TTC28: variants seen among roughly 807,000 people sequenced by gnomAD.
The protein encoded by TTC28 is tetratricopeptide repeat protein 28.
Under a neutral mutation model 198.0 loss-of-function variants are expected in TTC28, and 61 were observed. That is an observed-to-expected ratio of 0.31 (90% CI 0.25 to 0.38). TTC28 has a LOEUF of 0.38. Ranked by LOEUF, TTC28 falls within the 10% of genes least tolerant of loss-of-function variation. TTC28 has a pLI of 1.00. For missense variants in TTC28, 2,678 were observed against 3,164.0 expected (o/e 0.85, Z 3.69); for synonymous variants, 1,171 against 1,297.8 (o/e 0.90, Z 2.10).
intron 2 of TTC28, among the ~76,000 whole-genome samples, chr22:28,332,477 T>C (rs2145877252): frequency 6.6e-6 from 1 of 152,114 alleles, no homozygotes; most frequent in South Asian, 2.1e-4. Context: ...ACAGCAACCA[T>C]GTTGATTATT....
At chr22:28,627,620 C>T (rs2051097341) in intron 2 of TTC28, among the ~76,000 whole-genome samples, 1 of 151,758 alleles carries the variant, frequency 6.6e-6, no homozygotes, top group Admixed American at 6.6e-5. Flanking sequence ...TTAGTAGAGA[C>T]GGGGTTTCAC....
At chr22:28,306,865 C>T (rs906363760) in intron 2 of TTC28, among the ~76,000 whole-genome samples, 2 of 152,192 alleles carry the variant, frequency 1.3e-5, no homozygotes, top group African/African-American at 2.4e-5. Flanking sequence ...TTCTAAGACA[C>T]ATCAATTTTA....
intron 2 of TTC28, among the ~76,000 whole-genome samples, chr22:28,355,188 G>A (rs1340536208): frequency 6.6e-6 from 1 of 151,972 alleles, no homozygotes; most frequent in Non-Finnish European, 1.5e-5. Context: ...ATAAGAAAAG[G>A]ATGATCCACA....
At chr22:28,676,075 GCAT>G (rs1468451488) in intron 1 of TTC28, among the ~76,000 whole-genome samples, 1 of 151,314 alleles carries the variant, frequency 6.6e-6, no homozygotes, top group Admixed American at 6.6e-5. Flanking sequence ...GTTCATAGCA[GCAT>G]TATTCATAAT....
chr22:28,642,366 G>C (rs1032966349), intron 1 of TTC28, among the ~76,000 whole-genome samples: 4 of 151,688 alleles, frequency 2.6e-5, no homozygotes, highest in Admixed American at 2.6e-4. Flanking sequence ...CTGTATGCCA[G>C]GTACTCTCCT....
chr22:28,366,630 A>G (rs564165260), intron 2 of TTC28, among the ~76,000 whole-genome samples: 1 of 152,194 alleles, frequency 6.6e-6, no homozygotes, highest in South Asian at 2.1e-4. Context: ...AAACTCTCCA[A>G]TCAAGACATA....
rs1937892598 is a variant in TTC28 at position 28,005,362 on chromosome 22, G to A, written c.4219-3809C>T. ...GGTGCAGTCTTTGTACAAGGAGAGG[G>A]TTGTTCCTTCTGACAGGGTGGGCAG... On this transcript the variant is annotated intron_variant, in intron 14 of 22. Coordinates refer to ENST00000397906, the MANE Select transcript of TTC28 (RefSeq NM_001145418.2). This position sits in a 1 kb window ranked among gnomAD's most constrained non-coding sequence, Gnocchi z 4.9. 6.6e-6 allele frequency among the ~76,000 whole-genome samples: 1 copy of A among 152,208 alleles called. No homozygotes were observed. The highest frequency in any genetic ancestry group is 6.5e-5 in the Admixed American group (1 of 15,284).
chr22:28,114,206 A>G (rs2146921045), intron 6 of TTC28, among the ~76,000 whole-genome samples: 1 of 152,326 alleles, frequency 6.6e-6, no homozygotes, highest in Non-Finnish European at 1.5e-5. Flanking sequence ...TTCACAGAAA[A>G]GTGCTGTGTA....
chr22:28,295,648 GAC>G (rs1191482170), intron 5 of TTC28, among the ~76,000 whole-genome samples: 1 of 152,162 alleles, frequency 6.6e-6, no homozygotes, highest in African/African-American at 2.4e-5. Flanking sequence ...CCACTCTGCA[GAC>G]AGTCTCTAAT....
intron 12 of TTC28, among the ~76,000 whole-genome samples, chr22:28,070,861 G>A (rs575637990): frequency 6.6e-6 from 1 of 152,264 alleles, no homozygotes; most frequent in African/African-American, 2.4e-5. Flanking sequence ...CTAACTTACA[G>A]TATAATTTTC....
chr22:28,240,129 C>T (rs1205161567), intron 5 of TTC28, among the ~76,000 whole-genome samples: 1 of 152,154 alleles, frequency 6.6e-6, no homozygotes, highest in Non-Finnish European at 1.5e-5. Flanking sequence ...ACTTTTCAAC[C>T]CAGTATTTTG....
chr22:28,509,498 C>A (rs2048659247), intron 2 of TTC28, among the ~76,000 whole-genome samples: 1 of 152,118 alleles, frequency 6.6e-6, no homozygotes, highest in Non-Finnish European at 1.5e-5. Context: ...AACAAAGAGA[C>A]AATGTACCAG....
intron 5 of TTC28, among the ~76,000 whole-genome samples, chr22:28,204,332 CTTATTTTAGTGG>C (rs1018102777): frequency 1.3e-5 from 2 of 152,138 alleles, no homozygotes; most frequent in Non-Finnish European, 2.9e-5. Context: ...GGGCAACCTG[CTTATTTTAGTGG>C]TCACATGGAT....
chr22:28,495,158 C>T (rs1466220122), intron 2 of TTC28, among the ~76,000 whole-genome samples: 1 of 152,094 alleles, frequency 6.6e-6, no homozygotes, highest in Non-Finnish European at 1.5e-5. Flanking sequence ...AAAATGAAAT[C>T]ATTAAAGAAA....
chr22:28,396,097 C>G (rs1475138108), intron 2 of TTC28, among the ~76,000 whole-genome samples: 1 of 152,132 alleles, frequency 6.6e-6, no homozygotes, highest in African/African-American at 2.4e-5. Flanking sequence ...AGGAAAGATA[C>G]TACTTAAAAT....
rs1937604884 is a variant in TTC28 at position 27,999,068 on chromosome 22, C to T, written c.4591G>A (p.Glu1531Lys). 6.4e-7 allele frequency: 1 copy of T among 1,550,432 alleles called. No homozygotes were observed. The highest frequency in any genetic ancestry group is 1.4e-5 in the African/African-American group (1 of 73,062). The change falls in exon 16 of 23, where the codon GAG becomes AAG. Residue 1531 changes from glutamate to lysine, a missense_variant. Physicochemically the swap from Glu to Lys is moderately conservative, Grantham distance 56 (BLOSUM62 1). Around this residue, in one of 8 missense-constraint regions of TTC28, gnomAD observed 727 missense variants for 861.9 expected, o/e 0.84. Coordinates refer to ENST00000397906, the MANE Select transcript of TTC28 (RefSeq NM_001145418.2). The stretch of plus-strand genomic sequence containing the variant: ...TGGGTCAGGGCACTCATGACCCTCT[C>T]CTTGGTGGCCACACTGCCCACTAGG... ...QPLVGSVATK[E>K]RVMSALTQAE...
At chr22:28,042,988 G>A (rs893109244) in intron 12 of TTC28, among the ~76,000 whole-genome samples, 1 of 152,098 alleles carries the variant, frequency 6.6e-6, no homozygotes. Context: ...GCTCATGCCT[G>A]TAATTCCAAC....
intron 15 of TTC28, 86 bp from the exon 16 acceptor site, chr22:27,999,346 C>G (rs1428921787): frequency 6.9e-7 from 1 of 1,455,762 alleles, no homozygotes. Flanking sequence ...CAGGGACGGC[C>G]AGCTCTCTGC....
intron 2 of TTC28, among the ~76,000 whole-genome samples, chr22:28,311,724 ATC>A (rs1349739666): frequency 2.0e-5 from 3 of 152,106 alleles, no homozygotes; most frequent in African/African-American, 7.2e-5. Flanking sequence ...GGCTATAGTT[ATC>A]CTGTTGTGCT....
Sources: allele counts gnomAD v4.1 joint callset (sites outside exome capture counted in the v4.1 genomes callset), GRCh38; gene constraint gnomAD v4.1.1; regional missense constraint gnomAD v4.1.1; non-coding constraint Gnocchi (gnomAD v3.1); transcripts MANE v1.5; gene names NCBI Gene and HGNC (gene_info 2026-07-23, HGNC 2026-07-21).